LRRC37A2: variants seen among roughly 807,000 people sequenced by gnomAD.
LRRC37A2 encodes leucine rich repeat containing 37 member A2.
A neutral mutation model predicts 68.8 loss-of-function variants in LRRC37A2; 9 were observed. The observed-to-expected ratio is 0.13, with a 90% confidence interval of 0.08 to 0.23. LRRC37A2 has a LOEUF of 0.23. Ranked by LOEUF, LRRC37A2 falls within the 10% of genes least tolerant of loss-of-function variation. The pLI, the probability that LRRC37A2 is intolerant of heterozygous loss-of-function variation, is 1.00. For synonymous variants in LRRC37A2, 63 were observed against 367.6 expected (o/e 0.17, Z 9.48); for missense variants, 168 against 950.4 (o/e 0.18, Z 10.82).
At chr17:46,771,705 G>T in the LRRC37A2 span, among the ~76,000 whole-genome samples, 1 of 143,162 alleles carries the variant, frequency 7.0e-6, no homozygotes, top group Non-Finnish European at 1.6e-5. Flanking sequence ...GCCGGGCCGC[G>T]CCCCCGGCCC....
At chr17:46,830,395 A>G in the LRRC37A2 span, among the ~76,000 whole-genome samples, 4 of 152,084 alleles carry the variant, frequency 2.6e-5, no homozygotes, top group Non-Finnish European at 4.4e-5. Flanking sequence ...GAGACCACAG[A>G]CATGCACCAC....
chr17:46,598,439 G>A, the LRRC37A2 span, among the ~76,000 whole-genome samples: 7 of 151,440 alleles, frequency 4.6e-5, no homozygotes, highest in Admixed American at 2.6e-4. Flanking sequence ...TGGAGATTCA[G>A]CAGTCCCTTT....
At chr17:46,763,831 CAAAAAAAAAAAAAAACAA>C in the LRRC37A2 span, 5 of 123,716 alleles carry the variant, frequency 4.0e-5, no homozygotes, top group Non-Finnish European at 8.0e-5. Context: ...CCACTACCAC[CAAAAAAAAAAAAAAACAA>C]AAAAACAAAA....
exon 10 of LRRC37A2, chr17:46,548,548 C>A: frequency 6.8e-7 from 1 of 1,478,120 alleles, no homozygotes; most frequent in Middle Eastern, 2.4e-4. Flanking sequence ...TGTGAAATCA[C>A]TGTTACTACC....
chr17:46,811,039 G>A, the LRRC37A2 span, among the ~76,000 whole-genome samples: 1 of 152,056 alleles, frequency 6.6e-6, no homozygotes, highest in African/African-American at 2.4e-5. Flanking sequence ...GAGAAGGCCC[G>A]CCTCAGGGGG....
the LRRC37A2 span, among the ~76,000 whole-genome samples, chr17:46,839,932 C>CTT: frequency 1.4e-5 from 2 of 138,288 alleles, no homozygotes; most frequent in South Asian, 4.8e-4. Context: ...TTCTTTCTTT[C>CTT]TTTCTTTCTT....
the LRRC37A2 span, among the ~76,000 whole-genome samples, chr17:46,767,744 T>C: frequency 2.0e-5 from 3 of 152,338 alleles, no homozygotes; most frequent in Admixed American, 2.0e-4. Context: ...AATCAATTGC[T>C]GGCACCTAAT....
At chr17:46,992,619 G>A in the LRRC37A2 span, among the ~76,000 whole-genome samples, 6 of 151,964 alleles carry the variant, frequency 3.9e-5, no homozygotes, top group Non-Finnish European at 2.9e-5. Flanking sequence ...TTGGGAGGCC[G>A]AGCTGGGAGG....
the LRRC37A2 span, among the ~76,000 whole-genome samples, chr17:46,993,136 T>C: frequency 8.0e-4 from 122 of 152,176 alleles, no homozygotes; most frequent in African/African-American, 2.9e-3. Flanking sequence ...TGGTATCTTA[T>C]AATAAATGCA....
the LRRC37A2 span, among the ~76,000 whole-genome samples, chr17:46,958,512 T>C: frequency 6.6e-6 from 1 of 152,174 alleles, no homozygotes; most frequent in Non-Finnish European, 1.5e-5. Flanking sequence ...CAAGAGCCAC[T>C]GGAAGTAGGA....
chr17:46,798,058 A>G, the LRRC37A2 span, among the ~76,000 whole-genome samples: 1 of 152,060 alleles, frequency 6.6e-6, no homozygotes, highest in Non-Finnish European at 1.5e-5. Flanking sequence ...CCTCCCGAGT[A>G]GCTAGGACCA....
chr17:46,985,222 G>T, the LRRC37A2 span, among the ~76,000 whole-genome samples: 1 of 152,206 alleles, frequency 6.6e-6, no homozygotes, highest in Non-Finnish European at 1.5e-5. Flanking sequence ...AGAGGTTGAA[G>T]GCAGAGGGAA....
chr17:46,780,425 A>C, the LRRC37A2 span, among the ~76,000 whole-genome samples: 4 of 152,238 alleles, frequency 2.6e-5, no homozygotes, highest in African/African-American at 9.6e-5. Flanking sequence ...CCTGTCCCTC[A>C]AAAAGTTAAA....
At chr17:47,047,893 C>T in the LRRC37A2 span, among the ~76,000 whole-genome samples, 2 of 151,096 alleles carry the variant, frequency 1.3e-5, no homozygotes, top group Non-Finnish European at 2.9e-5. Flanking sequence ...AAGAGTGTTT[C>T]TGTAGATTAG....
At chr17:47,048,055 T>G in the LRRC37A2 span, among the ~76,000 whole-genome samples, 5 of 150,522 alleles carry the variant, frequency 3.3e-5, no homozygotes, top group Admixed American at 1.3e-4. Flanking sequence ...AACTTTTTTT[T>G]TTTTTTTTTA....
chr17:46,733,924 G>A, the LRRC37A2 span, among the ~76,000 whole-genome samples: 4 of 152,176 alleles, frequency 2.6e-5, no homozygotes, highest in African/African-American at 7.2e-5. Flanking sequence ...CCTAATAAGA[G>A]AGAAATACAG....
At chr17:46,882,078 C>G in the LRRC37A2 span, among the ~76,000 whole-genome samples, 1 of 152,166 alleles carries the variant, frequency 6.6e-6, no homozygotes, top group East Asian at 1.9e-4. Flanking sequence ...ATCGCTTGAG[C>G]CCAGGAGTTC....
At chr17:47,003,243 C>CA in the LRRC37A2 span, among the ~76,000 whole-genome samples, 462 of 73,002 alleles carry the variant, frequency 6.3e-3, 8 homozygotes, top group African/African-American at 0.013. Context: ...AATAGAGACT[C>CA]AAAAAAAAAA....
chr17:46,710,228 A>G, the LRRC37A2 span, among the ~76,000 whole-genome samples: 4 of 152,212 alleles, frequency 2.6e-5, no homozygotes, highest in Admixed American at 2.6e-4. Flanking sequence ...CCTCATGAAA[A>G]TCCAGTTCAA....
Sources: allele counts gnomAD v4.1 joint callset (sites outside exome capture counted in the v4.1 genomes callset), GRCh38; gene constraint gnomAD v4.1.1; transcripts MANE v1.5; gene names NCBI Gene and HGNC (gene_info 2026-07-23, HGNC 2026-07-21).